The following OPRM1 variants were observed in gnomAD, a reference collection of about 807,000 sequenced individuals.
OPRM1 encodes the protein mu-type opioid receptor.
In OPRM1, 27 loss-of-function variants were observed where a neutral mutation model predicts 31.8. The ratio of observed to expected loss-of-function variants is 0.85; its 90% confidence interval spans 0.63 to 1.17. OPRM1 has a LOEUF of 1.17. OPRM1 is among the 50% of genes most tolerant of loss of function. The pLI, the probability that OPRM1 is intolerant of heterozygous loss-of-function variation, is 0.00. For missense variants in OPRM1, 536 were observed against 511.1 expected, an observed-to-expected ratio of 1.05 and a Z score of -0.47; for synonymous variants, 196 against 189.9, an observed-to-expected ratio of 1.03 and a Z score of -0.26.
At chr6:154,229,852 C>T (rs1779585651) in intron 3 of OPRM1, among the ~76,000 whole-genome samples, 1 of 152,186 alleles carries the variant, frequency 6.6e-6, no homozygotes, top group African/African-American at 2.4e-5. Context: ...TAGAATATGA[C>T]ACAGCCATAC....
chr6:154,208,695 G>A (rs867114137), intron 3 of OPRM1, among the ~76,000 whole-genome samples: 38 of 152,118 alleles, frequency 2.5e-4, no homozygotes, highest in Admixed American at 5.2e-4. Context: ...AAACTTGAAG[G>A]AAAAATACCT....
At chr6:154,069,355 C>T (rs1786147817) in intron 1 of OPRM1, among the ~76,000 whole-genome samples, 1 of 152,212 alleles carries the variant, frequency 6.6e-6, no homozygotes, top group South Asian at 2.1e-4. Context: ...TCTCCTGCCT[C>T]AGCCTCCCCA....
At chr6:154,075,453 T>A (rs770141601) in intron 1 of OPRM1, among the ~76,000 whole-genome samples, 2 of 65,422 alleles carry the variant, frequency 3.1e-5, no homozygotes, top group Non-Finnish European at 5.8e-5. Context: ...AAATAAGCAC[T>A]TTTTTTTTTT....
At chr6:154,019,747 C>CTTTTCTTTTCTT (rs61209522) in intron 1 of OPRM1, among the ~76,000 whole-genome samples, 20 of 121,988 alleles carry the variant, frequency 1.6e-4, no homozygotes, top group African/African-American at 6.5e-4. Context: ...CTTTTCTTTT[C>CTTTTCTTTTCTT]TTTTTTTTTT....
intron 3 of OPRM1, among the ~76,000 whole-genome samples, chr6:154,149,600 G>A (rs1798443770): frequency 1.7e-5 from 1 of 57,600 alleles, no homozygotes; most frequent in Non-Finnish European, 3.2e-5. Context: ...TCTGGATCGT[G>A]TGTGTGTGTG....
intron 1 of OPRM1, among the ~76,000 whole-genome samples, chr6:154,058,658 A>G (rs1583283447): frequency 6.6e-6 from 1 of 152,188 alleles, no homozygotes; most frequent in African/African-American, 2.4e-5. Context: ...TGGAGAATAA[A>G]TTAGCACCCA....
rs111433377 is a variant in OPRM1, at chr6:154,214,329, A to G, written c.1165-32364A>G. On this transcript the variant is annotated intron_variant, in intron 3 of 3. Transcript: ENST00000337049. ...GACCAAAGAGATTAGCCCCCCACCCATTCACCTTCCCCCAGAGTTTGTTAT... is the reference window on the plus strand; with the variant it reads ...GACCAAAGAGATTAGCCCCCCACCCGTTCACCTTCCCCCAGAGTTTGTTAT... 2,129 of 1,173,024 alleles carry G rather than the reference A, an allele frequency of 1.8e-3. 39 individuals carry two copies. The African/African-American group carries it at 0.028, about 16-fold the overall frequency. The allele number at this position is 1,173,024 out of a possible 1,614,324, so 72.7% of individuals were successfully genotyped here. A position where few individuals can be genotyped will look rare whatever the true frequency, so the allele number is the denominator to read the frequency against.
At chr6:154,015,439 A>G (rs916884675) in intron 1 of OPRM1, among the ~76,000 whole-genome samples, 2 of 152,132 alleles carry the variant, frequency 1.3e-5, no homozygotes, top group South Asian at 2.1e-4. Context: ...TTGAATTGAG[A>G]TAATTTGATA....
At chr6:154,114,129 A>G (rs1192698606) in intron 3 of OPRM1, among the ~76,000 whole-genome samples, 1 of 152,212 alleles carries the variant, frequency 6.6e-6, no homozygotes, top group Admixed American at 6.5e-5. Flanking sequence ...ACTTGTACAT[A>G]GGACTCAACA....
chr6:154,024,030 G>C (rs1778540524), intron 1 of OPRM1, among the ~76,000 whole-genome samples: 2 of 151,994 alleles, frequency 1.3e-5, no homozygotes, highest in South Asian at 4.1e-4. Context: ...GTCCTGTTTT[G>C]GTATCAGGGT....
At chr6:154,100,034 TATC>T (rs1166146357) in intron 3 of OPRM1, among the ~76,000 whole-genome samples, 1 of 80,736 alleles carries the variant, frequency 1.2e-5, no homozygotes, top group African/African-American at 3.9e-5. Context: ...TATTATATAT[TATC>T]ATATGATATA....
At position 154,120,608 on chromosome 6, in the gene OPRM1, A is replaced by G. The variant is rs1006658069; in HGVS notation, c.*1887A>G. 1.3e-5 allele frequency among the ~76,000 whole-genome samples: 2 copies of G among 152,210 alleles called. No homozygotes were observed. Among genetic ancestry groups the G allele is most frequent in the Non-Finnish European group, 2.9e-5 (2 of 68,032 alleles). On this transcript the variant is annotated 3_prime_UTR_variant, in exon 4 of 4. Transcript: ENST00000330432. ...ACATATATACACTACTAGAGCTTCCAAAAGTAAAATGGATAATTCAAACAG... is the reference window on the plus strand; with the variant it reads ...ACATATATACACTACTAGAGCTTCCGAAAGTAAAATGGATAATTCAAACAG...
At chr6:154,226,774 G>T (rs755048747) in intron 3 of OPRM1, among the ~76,000 whole-genome samples, 2 of 152,014 alleles carry the variant, frequency 1.3e-5, no homozygotes, top group Non-Finnish European at 1.5e-5. Flanking sequence ...CTGCCCTCGG[G>T]TCAAGTCTAA....
chr6:154,245,082 CT>C (rs1481384863), intron 3 of OPRM1, among the ~76,000 whole-genome samples: 1 of 152,146 alleles, frequency 6.6e-6, no homozygotes, highest in Admixed American at 6.5e-5. Flanking sequence ...TAGGAAAACT[CT>C]CTTACAATAG....
intron 3 of OPRM1, among the ~76,000 whole-genome samples, chr6:154,213,919 T>C (rs1442840982): frequency 1.3e-5 from 2 of 152,166 alleles, no homozygotes; most frequent in African/African-American, 4.8e-5. Context: ...CAGTAAGAAT[T>C]CCACAAGTGG....
At chr6:154,220,834 A>G (rs967922829) in intron 3 of OPRM1, among the ~76,000 whole-genome samples, 10 of 152,250 alleles carry the variant, frequency 6.6e-5, no homozygotes, top group Admixed American at 1.3e-4. Context: ...TGTTCAGGAC[A>G]ATACATGGAG....
In OPRM1 at chr6:154,128,874, C is replaced by A. The variant is rs534831588; in HGVS notation, c.*10153C>A. On this transcript the variant is annotated 3_prime_UTR_variant, in exon 4 of 4. Transcript: ENST00000330432. ...CTGTTTTTGCATAGTGCACAGAGAT[C>A]TTTGTAAAAAACAGGAAATTAATGT... Among the ~76,000 whole-genome samples the A allele has an allele frequency of 6.6e-6, 1 of 152,260 alleles. No homozygotes were observed. The highest frequency in any genetic ancestry group is 1.5e-5 in the Non-Finnish European group (1 of 68,014).
intron 1 of OPRM1, 41 bp downstream of exon 1, chr6:154,039,875 C>T: frequency 6.6e-7 from 1 of 1,519,816 alleles, no homozygotes; most frequent in South Asian, 1.2e-5. Flanking sequence ...GGTTCAGCGG[C>T]TTAAGGGGGT....
chr6:154,035,005 A>G (rs1461513318), upstream of OPRM1, among the ~76,000 whole-genome samples: 1 of 152,196 alleles, frequency 6.6e-6, no homozygotes, highest in Non-Finnish European at 1.5e-5. Flanking sequence ...TCTTCTTGCT[A>G]ATTTCTAGGC....
Sources: gnomAD v4.1 joint callset for allele counts (sites outside exome capture counted in the v4.1 genomes callset) on GRCh38, gnomAD v4.1.1 for gene constraint, MANE v1.5 for transcripts, NCBI Gene and HGNC (gene_info 2026-07-23, HGNC 2026-07-21) for gene names.